KCNMA1: variants seen among roughly 807,000 people sequenced by gnomAD.
KCNMA1 encodes potassium calcium-activated channel subfamily M alpha 1.
In KCNMA1, 29 loss-of-function variants were observed where a neutral mutation model predicts 140.0. That is an observed-to-expected ratio of 0.21 (90% confidence interval 0.15 to 0.28). KCNMA1 has a LOEUF of 0.28. Among genes scored for constraint, KCNMA1 ranks in the 10% least tolerant of loss-of-function variants. KCNMA1 has a pLI of 1.00. For synonymous variants in KCNMA1, 612 were observed against 611.9 expected, an observed-to-expected ratio of 1.00 and a Z score of 0.00; for missense variants, 880 against 1,602.2, an observed-to-expected ratio of 0.55 and a Z score of 7.70.
chr10:77,562,803 G>A (rs941155284), intron 1 of KCNMA1, among the ~76,000 whole-genome samples: 13 of 152,128 alleles, frequency 8.5e-5, no homozygotes, highest in Non-Finnish European at 1.3e-4. Context: ...AGTTAGACAC[G>A]TCTCCCCATA....
intron 3 of KCNMA1, among the ~76,000 whole-genome samples, chr10:77,201,784 A>G (rs1053182708): frequency 1.4e-4 from 22 of 152,222 alleles, no homozygotes; most frequent in Admixed American, 8.5e-4. Flanking sequence ...GAGGTAATAA[A>G]ACAAATTTAT....
chr10:77,080,863 T>C (rs1467541755), intron 12 of KCNMA1, among the ~76,000 whole-genome samples: 1 of 152,188 alleles, frequency 6.6e-6, no homozygotes, highest in Non-Finnish European at 1.5e-5. Context: ...ATGGTTCTAA[T>C]TGTGACACAT....
intron 1 of KCNMA1, among the ~76,000 whole-genome samples, chr10:77,431,272 T>C (rs2097146256): frequency 6.6e-6 from 1 of 152,166 alleles, no homozygotes; most frequent in Non-Finnish European, 1.5e-5. Context: ...ATAGATTGGC[T>C]CCCATTCTCA....
intron 5 of KCNMA1, among the ~76,000 whole-genome samples, chr10:77,150,673 AT>A (rs938638987): frequency 4.6e-5 from 7 of 152,252 alleles, no homozygotes; most frequent in African/African-American, 1.7e-4. Flanking sequence ...TGCATAAATA[AT>A]GCAAAACCTT....
intron 1 of KCNMA1, among the ~76,000 whole-genome samples, chr10:77,601,342 T>C (rs1337579628): frequency 3.3e-5 from 5 of 152,156 alleles, no homozygotes; most frequent in Non-Finnish European, 7.3e-5. Context: ...CTCTAAGATG[T>C]CATGAAAACA....
chr10:77,336,057 A>C (rs545231020), intron 2 of KCNMA1, among the ~76,000 whole-genome samples: 18 of 152,312 alleles, frequency 1.2e-4, no homozygotes, highest in Admixed American at 1.1e-3. Flanking sequence ...TGCAGGGGGA[A>C]GTTGGGAAAA....
At chr10:77,125,861 A>C (rs1299748990) in intron 5 of KCNMA1, among the ~76,000 whole-genome samples, 1 of 152,212 alleles carries the variant, frequency 6.6e-6, no homozygotes, top group African/African-American at 2.4e-5. Flanking sequence ...CCACATTCAG[A>C]ATTCTGAGAC....
At chr10:76,977,050 C>T (rs187323855) in intron 19 of KCNMA1, among the ~76,000 whole-genome samples, 2 of 152,290 alleles carry the variant, frequency 1.3e-5, no homozygotes, top group Admixed American at 1.3e-4. Context: ...CAAACAGCCC[C>T]TCCCAACTTT....
At chr10:77,247,175 G>A (rs1230470279) in intron 3 of KCNMA1, among the ~76,000 whole-genome samples, 2 of 152,262 alleles carry the variant, frequency 1.3e-5, no homozygotes, top group African/African-American at 2.4e-5. Flanking sequence ...AAGTAGCAGC[G>A]TTTAAACATG....
At chr10:77,235,310 G>T (rs2154214135) in intron 3 of KCNMA1, among the ~76,000 whole-genome samples, 1 of 152,308 alleles carries the variant, frequency 6.6e-6, no homozygotes, top group South Asian at 2.1e-4. Context: ...TTGATCCCCA[G>T]CTTGAAGTTT....
chr10:77,296,267 T>G (rs2075079559), intron 2 of KCNMA1, among the ~76,000 whole-genome samples: 1 of 151,842 alleles, frequency 6.6e-6, no homozygotes, highest in African/African-American at 2.4e-5. Flanking sequence ...AGAAGTGATG[T>G]GAGGAAGGGG....
At chr10:77,393,780 C>CA (rs1038089213) in intron 2 of KCNMA1, among the ~76,000 whole-genome samples, 4 of 152,124 alleles carry the variant, frequency 2.6e-5, no homozygotes, top group Non-Finnish European at 5.9e-5. Flanking sequence ...AGATGGAGAT[C>CA]AAAAAAGAGT....
chr10:77,101,628 T>C (rs1440910970), intron 9 of KCNMA1, among the ~76,000 whole-genome samples: 2 of 152,160 alleles, frequency 1.3e-5, no homozygotes, highest in Non-Finnish European at 2.9e-5. Context: ...ACGTGGCTCA[T>C]GCAATGAGGG....
intron 25 of KCNMA1, among the ~76,000 whole-genome samples, chr10:76,895,643 G>T (rs984222073): frequency 6.6e-6 from 1 of 152,178 alleles, no homozygotes; most frequent in African/African-American, 2.4e-5. Context: ...CTACAACATG[G>T]ATGAACCTTG....
intron 2 of KCNMA1, among the ~76,000 whole-genome samples, chr10:77,368,422 TTATA>T (rs1219284117): frequency 6.6e-6 from 1 of 152,244 alleles, no homozygotes; most frequent in Non-Finnish European, 1.5e-5. Flanking sequence ...TGAGAGTTCT[TTATA>T]TATCCTGGCT....
chr10:77,240,751 T>C (rs1325418206), intron 3 of KCNMA1, among the ~76,000 whole-genome samples: 1 of 152,234 alleles, frequency 6.6e-6, no homozygotes, highest in Non-Finnish European at 1.5e-5. Flanking sequence ...GGGAAGCCAC[T>C]TCAGGTGAGG....
chr10:76,877,943 T>TA, intron 29 of KCNMA1: 1 of 1,556,006 alleles, frequency 6.4e-7, no homozygotes, highest in Non-Finnish European at 8.8e-7. Context: ...AGAAGTTTAA[T>TA]TAGTCCTAGG....
chr10:77,009,689 T>G (rs1262268422), intron 18 of KCNMA1, among the ~76,000 whole-genome samples: 5 of 152,190 alleles, frequency 3.3e-5, no homozygotes, highest in Admixed American at 6.5e-5. Flanking sequence ...CTTTCCCCAG[T>G]GCCACTGGCC....
At chr10:77,220,987 A>G (rs2049444258) in intron 3 of KCNMA1, among the ~76,000 whole-genome samples, 1 of 152,210 alleles carries the variant, frequency 6.6e-6, no homozygotes, top group South Asian at 2.1e-4. Context: ...AAGGTTTATA[A>G]ATCAGGATGA....
Sources: gnomAD v4.1 joint callset for allele counts (sites outside exome capture counted in the v4.1 genomes callset) on GRCh38, gnomAD v4.1.1 for gene constraint, MANE v1.5 for transcripts, NCBI Gene and HGNC (gene_info 2026-07-23, HGNC 2026-07-21) for gene names.